TLL1: variants seen among roughly 807,000 people sequenced by gnomAD.
TLL1 encodes tolloid-like protein 1.
In TLL1, 49 loss-of-function variants were observed where a neutral mutation model predicts 128.2. The ratio of observed to expected loss-of-function variants is 0.38; its 90% CI spans 0.30 to 0.48. The LOEUF is 0.48. Ranked by LOEUF, TLL1 falls within the 20% of genes least tolerant of loss-of-function variation. The pLI is 0.96. For missense variants in TLL1, 1,123 were observed against 1,242.0 expected (o/e 0.90, Z 1.44); for synonymous variants, 454 against 418.8 (o/e 1.08, Z -1.03).
At chr4:166,038,666 C>A (rs76250991) in intron 9 of TLL1, among the ~76,000 whole-genome samples, 1,899 of 152,226 alleles carry the variant, frequency 0.012, 44 homozygotes, top group African/African-American at 0.043. Flanking sequence ...GTTATCTTTA[C>A]GCAACAGCAT....
chr4:166,030,412 AT>A, intron 9 of TLL1: 2 of 528,808 alleles, frequency 3.8e-6, no homozygotes, highest in South Asian at 2.9e-5. Context: ...TTAAGCACTG[AT>A]TAGAGATATG....
intron 5 of TLL1, among the ~76,000 whole-genome samples, 174 bp downstream of exon 5, chr4:165,995,352 G>A (rs762734525): frequency 1.1e-4 from 17 of 152,124 alleles, no homozygotes; most frequent in Non-Finnish European, 2.2e-4. Context: ...TTTGATCACA[G>A]TCCTCTGTGC....
rs116339506 is a variant in TLL1, at chr4:166,075,149, G to A, written c.2314+146G>A. ...GTCAAAAAACAAAATTCTGTGTAAT[G>A]TCCAAAGATCCAAGGCAGATGACTG... On this transcript the variant is annotated intron_variant, in intron 17 of 20. Coordinates refer to ENST00000061240, the MANE Select transcript of TLL1 (RefSeq NM_012464.5). 416 of 1,148,918 alleles carry A rather than the reference G, an allele frequency of 3.6e-4. 2 individuals carry two copies. In the African/African-American group the frequency reaches 5.6e-3, roughly 15 times the overall value. The allele number at this position is 1,148,918 out of a possible 1,614,324, so 71.2% of individuals were successfully genotyped here. A position where few individuals can be genotyped will look rare whatever the true frequency, so the allele number is the denominator to read the frequency against.
At position 166,099,493 on chromosome 4, in the gene TLL1, C is replaced by T. The variant is rs1225237646; in HGVS notation, c.2873C>T (p.Thr958Ile). ...GAGCTCTTTGATGGTCTTGATTCAA[C>T]AGCTGTGGGGCTTGGTCGATTCTGT... ...YVELFDGLDS[T>I]AVGLGRFCGS... The change falls in exon 20 of 21, where the codon ACA becomes ATA. Residue 958 changes from threonine (T) to isoleucine (I), a missense_variant. Around this residue, in one of 3 missense-constraint regions of TLL1, gnomAD observed 634 missense variants for 672.4 expected, o/e 0.94. Transcript: ENST00000061240. The T allele has an allele frequency of 1.2e-6, 2 of 1,613,290 alleles. No individual in the cohort carries two copies. The highest frequency in any genetic ancestry group is 1.3e-5 in the African/African-American group (1 of 74,844).
At chr4:165,967,050 A>G (rs1735418494) in intron 1 of TLL1, among the ~76,000 whole-genome samples, 1 of 152,072 alleles carries the variant, frequency 6.6e-6, no homozygotes, top group Non-Finnish European at 1.5e-5. Context: ...GCCAGTTTAG[A>G]TACTTCCCCC....
intron 1 of TLL1, among the ~76,000 whole-genome samples, chr4:165,878,671 T>C (rs1306159238): frequency 6.6e-6 from 1 of 152,030 alleles, no homozygotes; most frequent in Non-Finnish European, 1.5e-5. Flanking sequence ...CCTGAGAGCC[T>C]CCCACGTTTT....
In TLL1 at chr4:166,103,869, G is replaced by T. The variant is rs1400933867; in HGVS notation, c.*2993G>T. 1.3e-5 allele frequency: 2 copies of T among 149,040 alleles called. No homozygotes were observed. Among genetic ancestry groups the T allele is most frequent in the African/African-American group, 4.9e-5 (2 of 40,754 alleles). 9.2% of individuals were successfully genotyped at this position (149,040 alleles called of 1,614,324 possible). A position where few individuals can be genotyped will look rare whatever the true frequency, so the allele number is the denominator to read the frequency against. On this transcript the variant is annotated 3_prime_UTR_variant, in exon 21 of 21. Coordinates refer to ENST00000061240, the MANE Select transcript of TLL1 (RefSeq NM_012464.5). ...AAAAAAAAAAACACTGTTCTCACTT[G>T]ATTTTATTAAATTATTTTTAAAAGT...
At position 165,994,413 on chromosome 4, in the gene TLL1, G is replaced by GTACCTC. The variant is rs762213018; in HGVS notation, c.398_403dup (p.Pro133_Leu134dup). ...GCAAAACAACACAGTTAAGGGAAAA[G>GTACCTC]TACCTCTACAATTCTCAGGGCAAAA... is the stretch of plus-strand genomic sequence containing the variant. On this transcript the variant is annotated inframe_insertion, in exon 4 of 21. Coordinates refer to ENST00000061240, the MANE Select transcript of TLL1 (RefSeq NM_012464.5). 2 of 1,613,964 alleles carry GTACCTC rather than the reference G, an allele frequency of 1.2e-6. No homozygotes were observed. The highest frequency in any genetic ancestry group is 2.2e-5 in the South Asian group (2 of 91,078).
chr4:166,021,647 G>A (rs368769509), intron 8 of TLL1, among the ~76,000 whole-genome samples: 3 of 152,180 alleles, frequency 2.0e-5, no homozygotes, highest in East Asian at 3.9e-4. Context: ...TGGCCAGAAT[G>A]GTCTTGATCT....
intron 1 of TLL1, among the ~76,000 whole-genome samples, chr4:165,955,317 A>G (rs1484614157): frequency 2.0e-5 from 3 of 152,206 alleles, no homozygotes; most frequent in East Asian, 3.9e-4. Context: ...TGTGTGACTT[A>G]TTGGCATTCC....
chr4:165,989,523 T>C, intron 2 of TLL1, 32 bp downstream of exon 2: 1 of 1,515,760 alleles, frequency 6.6e-7, no homozygotes, highest in Non-Finnish European at 9.2e-7. Context: ...AATTTGTCTT[T>C]ATTTTGGAGA....
chr4:166,032,656 T>C (rs1416398608), intron 9 of TLL1, among the ~76,000 whole-genome samples: 1 of 152,158 alleles, frequency 6.6e-6, no homozygotes, highest in Non-Finnish European at 1.5e-5. Context: ...CAAGTTCTAC[T>C]TCATATTGCA....
At chr4:166,010,280 G>A (rs1257198929) in intron 7 of TLL1, among the ~76,000 whole-genome samples, 4 of 151,280 alleles carry the variant, frequency 2.6e-5, no homozygotes, top group Non-Finnish European at 5.9e-5. Context: ...GAACATGGGT[G>A]TGCAAATATC....
intron 12 of TLL1, among the ~76,000 whole-genome samples, chr4:166,045,683 G>A (rs1452808448): frequency 3.3e-5 from 5 of 151,986 alleles, no homozygotes; most frequent in Admixed American, 1.3e-4. Context: ...CATGGGCCAC[G>A]GTACTTTTGA....
chr4:166,060,413 G>A (rs1252770649), intron 15 of TLL1, among the ~76,000 whole-genome samples: 1 of 151,868 alleles, frequency 6.6e-6, no homozygotes, highest in Non-Finnish European at 1.5e-5. Flanking sequence ...TTTTTATTTA[G>A]TGTATTTAAT....
chr4:165,926,778 C>T (rs1733288884), intron 1 of TLL1, among the ~76,000 whole-genome samples: 1 of 152,156 alleles, frequency 6.6e-6, no homozygotes, highest in Non-Finnish European at 1.5e-5. Context: ...AGCCAGCTAG[C>T]TTTACTGGCA....
intron 16 of TLL1, among the ~76,000 whole-genome samples, chr4:166,066,121 T>C (rs531378790): frequency 9.9e-5 from 15 of 151,866 alleles, no homozygotes; most frequent in African/African-American, 3.1e-4. Flanking sequence ...TCGGAAAATG[T>C]AGTCTCATTT....
chr4:165,930,038 A>G (rs866814909), intron 1 of TLL1, among the ~76,000 whole-genome samples: 2 of 152,202 alleles, frequency 1.3e-5, no homozygotes, highest in South Asian at 4.1e-4. Flanking sequence ...TTAACCTAAT[A>G]AATATCCCAG....
intron 11 of TLL1, among the ~76,000 whole-genome samples, chr4:166,043,032 C>A (rs375890291): frequency 2.0e-5 from 3 of 152,232 alleles, no homozygotes; most frequent in Admixed American, 6.5e-5. Flanking sequence ...AATACCTTTT[C>A]GTTAAGATAG....
Sources: gnomAD v4.1 joint callset for allele counts (sites outside exome capture counted in the v4.1 genomes callset) on GRCh38, gnomAD v4.1.1 for gene constraint, gnomAD v4.1.1 regional missense constraint, MANE v1.5 for transcripts, NCBI Gene and HGNC (gene_info 2026-07-23, HGNC 2026-07-21) for gene names.